Variants in AJAP1 observed in about 807,000 individuals in gnomAD.
AJAP1 encodes adherens junctions associated protein 1, also known as adherens junction-associated protein 1.
A neutral mutation model predicts 35.0 loss-of-function variants in AJAP1; 5 were observed. The observed-to-expected ratio is 0.14, with a 90% confidence interval of 0.07 to 0.30. The LOEUF is 0.30. Among genes scored for constraint, AJAP1 ranks in the 10% least tolerant of loss-of-function variants. The pLI is 1.00. For synonymous variants in AJAP1, 284 were observed against 249.3 expected (o/e 1.14, Z -1.31); for missense variants, 586 against 571.0 (o/e 1.03, Z -0.27).
chr1:4,667,501 C>T (rs1360524871), intron 1 of AJAP1, among the ~76,000 whole-genome samples: 1 of 152,218 alleles, frequency 6.6e-6, no homozygotes, highest in Non-Finnish European at 1.5e-5. Context: ...AACTGTTCCA[C>T]CTCAGATCAT....
intron 1 of AJAP1, among the ~76,000 whole-genome samples, chr1:4,676,805 C>G (rs1378154818): frequency 6.6e-6 from 1 of 152,162 alleles, no homozygotes; most frequent in Admixed American, 6.5e-5. Context: ...ATTGCATTCT[C>G]GAATTTGCCA....
chr1:4,698,162 G>A (rs1397731961), intron 1 of AJAP1, among the ~76,000 whole-genome samples: 2 of 152,118 alleles, frequency 1.3e-5, no homozygotes, highest in African/African-American at 2.4e-5. Context: ...ACCTCTGGCC[G>A]TGCCAGCGTG....
chr1:4,722,645 G>A (rs1640549143), intron 2 of AJAP1, among the ~76,000 whole-genome samples: 1 of 152,224 alleles, frequency 6.6e-6, no homozygotes, highest in Non-Finnish European at 1.5e-5. Flanking sequence ...GAGGCCCTGG[G>A]TGAGGACCCT....
At chr1:4,772,588 G>C in intron 4 of AJAP1, 63 bp downstream of exon 4, 1 of 1,587,324 alleles carries the variant, frequency 6.3e-7, no homozygotes, top group African/African-American at 1.3e-5. Context: ...ACCCCCGGGG[G>C]CCGGTGTGGC....
chr1:4,785,979 G>C lies in AJAP1; in HGVS notation c.*3494G>C, dbSNP rs540481930. ...CCGTTTTCAGACAAAGTCGCTGCTA[G>C]TCTTCACACGCTTGATGTCACTTTG... is the stretch of plus-strand genomic sequence containing the variant. On this transcript the variant is annotated 3_prime_UTR_variant, in exon 6 of 6. Coordinates refer to ENST00000378191, the MANE Select transcript of AJAP1 (RefSeq NM_018836.4). 5 of 152,318 alleles carry C rather than the reference G, an allele frequency of 3.3e-5. No individual in the cohort carries two copies. The South Asian group carries it at 1.0e-3, about 32-fold the overall frequency. 9.4% of individuals were successfully genotyped at this position (152,318 alleles called of 1,614,324 possible).
At position 4,711,893 on chromosome 1, in the gene AJAP1, C is replaced by T. The variant is rs755006298; in HGVS notation, c.30-7C>T. 2.0e-6 allele frequency: 3 copies of T among 1,474,866 alleles called. No homozygotes were observed. Among genetic ancestry groups the T allele is most frequent in the East Asian group, 5.3e-5 (2 of 37,674 alleles). The allele number at this position is 1,474,866 out of a possible 1,614,324, so 91.4% of individuals were successfully genotyped here. ...GACCGCTCTTCTCTCCTTTCCCCCCCGCACAGCTCCATGTCCATCCGCTGG... is the reference window on the plus strand; with the variant it reads ...GACCGCTCTTCTCTCCTTTCCCCCCTGCACAGCTCCATGTCCATCCGCTGG... On this transcript the variant is annotated splice_polypyrimidine_tract_variant and splice_region_variant and intron_variant, in intron 1 of 5. Coordinates refer to ENST00000378191, the MANE Select transcript of AJAP1 (RefSeq NM_018836.4).
At chr1:4,710,297 C>T (rs75270388) in intron 1 of AJAP1, among the ~76,000 whole-genome samples, 3,198 of 152,208 alleles carry the variant, frequency 0.021, 99 homozygotes, top group South Asian at 0.14. Context: ...CACACACGCA[C>T]CAAATACACA....
In AJAP1 at chr1:4,712,256, C is replaced by T; in HGVS notation, c.386C>T (p.Ser129Phe). The change falls in exon 2 of 6, where the codon TCC becomes TTC. Residue 129 changes from serine (S) to phenylalanine (F), a missense_variant. Coordinates refer to ENST00000378191, the MANE Select transcript of AJAP1 (RefSeq NM_018836.4). Reference protein sequence around the residue: ...KPPAAAKSSPSLASSSSSSSS... With the variant: ...KPPAAAKSSPFLASSSSSSSS... ...CCAGCTGCTGCCAAATCCAGCCCTT[C>T]CCTCGCCTCTTCGTCCTCGTCCTCG... 1.3e-6 allele frequency: 2 copies of T among 1,527,872 alleles called. No individual in the cohort carries two copies. The highest frequency in any genetic ancestry group is 2.3e-5 in the East Asian group (1 of 43,466). The allele number at this position is 1,527,872 out of a possible 1,614,324, so 94.6% of individuals were successfully genotyped here.
At chr1:4,770,200 C>A (rs1303808607) in intron 3 of AJAP1, among the ~76,000 whole-genome samples, 1 of 152,200 alleles carries the variant, frequency 6.6e-6, no homozygotes, top group Non-Finnish European at 1.5e-5. Context: ...GTTCCAGATT[C>A]TTTCTCTGGA....
chr1:4,705,178 A>G (rs1170318904), intron 1 of AJAP1, among the ~76,000 whole-genome samples: 1 of 152,112 alleles, frequency 6.6e-6, no homozygotes, highest in Non-Finnish European at 1.5e-5. Flanking sequence ...CCCATTTGCT[A>G]GCCATATGTA....
intron 1 of AJAP1, among the ~76,000 whole-genome samples, chr1:4,709,230 TGGTGGGGCCTGGTGGGGGCC>T (rs1397228956): frequency 0.14 from 2,861 of 20,908 alleles, 75 homozygotes; most frequent in South Asian, 0.37. Flanking sequence ...TGGTGGGGGC[TGGTGGGGCCTGGTGGGGGCC>T]GGTGGGGCCT....
Position 4,769,850 on chromosome 1 carries a change from C to T in AJAP1, c.830-3C>T. Reference sequence around the variant, plus strand: ...GCCCTCTTCCCTCTTTCCTTCTTTCCAGGTCTGGCTGTCCATCAGATCATC... The same window carrying T: ...GCCCTCTTCCCTCTTTCCTTCTTTCTAGGTCTGGCTGTCCATCAGATCATC... On this transcript the variant is annotated splice_region_variant and splice_polypyrimidine_tract_variant and intron_variant, in intron 2 of 5. Transcript: ENST00000378191. 3 of 1,613,394 alleles carry T rather than the reference C, an allele frequency of 1.9e-6. No homozygotes were observed. Among genetic ancestry groups the T allele is most frequent in the Non-Finnish European group, 2.5e-6 (3 of 1,179,410 alleles).
At position 4,786,961 on chromosome 1, in the gene AJAP1, C is replaced by G. The variant is rs1029687232; in HGVS notation, c.*4476C>G. On this transcript the variant is annotated 3_prime_UTR_variant, in exon 6 of 6. Transcript: ENST00000378191. ...TTCTCCCCTACCCCTGCCCCTTCCA[C>G]AAAGCCATTTCTCAAGTCGCAGTGG... 6.6e-6 allele frequency: 1 copy of G among 152,352 alleles called. No homozygotes were observed. The highest frequency in any genetic ancestry group is 1.5e-5 in the Non-Finnish European group (1 of 68,140). 9.4% of individuals were successfully genotyped at this position (152,352 alleles called of 1,614,324 possible).
chr1:4,689,047 G>A (rs1002282489), intron 1 of AJAP1, among the ~76,000 whole-genome samples: 2 of 151,976 alleles, frequency 1.3e-5, no homozygotes, highest in African/African-American at 4.8e-5. Context: ...GACCCCGCCT[G>A]CCCCCCTCAC....
chr1:4,751,758 A>G (rs1359689786), intron 2 of AJAP1, among the ~76,000 whole-genome samples: 1 of 152,246 alleles, frequency 6.6e-6, no homozygotes, highest in African/African-American at 2.4e-5. Flanking sequence ...CAGTTGAAAC[A>G]CAAGCCAAGG....
At chr1:4,730,464 T>C (rs1254529525) in intron 2 of AJAP1, among the ~76,000 whole-genome samples, 6 of 152,078 alleles carry the variant, frequency 3.9e-5, no homozygotes, top group African/African-American at 9.7e-5. Context: ...TTGATCCCTC[T>C]CATTTTTACA....
At chr1:4,698,179 C>T (rs377433142) in intron 1 of AJAP1, among the ~76,000 whole-genome samples, 21 of 152,118 alleles carry the variant, frequency 1.4e-4, no homozygotes, top group Admixed American at 7.2e-4. Flanking sequence ...CGTGTTTCCC[C>T]GTCACTATGT....
Position 4,711,891 on chromosome 1 carries a change from C to G in AJAP1, c.30-9C>G, listed in dbSNP as rs201311316. ...CTGACCGCTCTTCTCTCCTTTCCCC[C>G]CCGCACAGCTCCATGTCCATCCGCT... On this transcript the variant is annotated splice_polypyrimidine_tract_variant and intron_variant, in intron 1 of 5. Coordinates refer to ENST00000378191, the MANE Select transcript of AJAP1 (RefSeq NM_018836.4). The G allele has an allele frequency of 1.9e-4, 280 of 1,473,880 alleles. No homozygotes were observed. The highest frequency in any genetic ancestry group is 4.7e-4 in the Admixed American group (18 of 38,538). The allele number at this position is 1,473,880 out of a possible 1,614,324, so 91.3% of individuals were successfully genotyped here.
rs1418641239 is a variant in AJAP1 at position 4,787,842 on chromosome 1, C to A, written c.*5357C>A. Reference sequence around the variant, plus strand: ...TTGGTGCCAGAAGGCAGCTGCATCTCCAGAAGCTCCCCCAGCACTGAGCTC... The same window carrying A: ...TTGGTGCCAGAAGGCAGCTGCATCTACAGAAGCTCCCCCAGCACTGAGCTC... On this transcript the variant is annotated 3_prime_UTR_variant, in exon 6 of 6. Coordinates refer to ENST00000378191, the MANE Select transcript of AJAP1 (RefSeq NM_018836.4). 2.2e-6 allele frequency: 1 copy of A among 448,884 alleles called. No individual in the cohort carries two copies. The highest frequency in any genetic ancestry group is 1.6e-5 in the South Asian group (1 of 63,512). 27.8% of individuals were successfully genotyped at this position (448,884 alleles called of 1,614,324 possible).
Sources: allele counts gnomAD v4.1 joint callset (sites outside exome capture counted in the v4.1 genomes callset), GRCh38; gene constraint gnomAD v4.1.1; transcripts MANE v1.5; gene names NCBI Gene and HGNC (gene_info 2026-07-23, HGNC 2026-07-21).